The following STK24 variants were observed in gnomAD, a reference collection of about 807,000 sequenced individuals.
STK24 encodes the protein serine/threonine kinase 24, also known as serine/threonine-protein kinase 24.
In STK24, 21 loss-of-function variants were observed where a neutral mutation model predicts 55.6. The ratio of observed to expected loss-of-function variants is 0.38; its 90% CI spans 0.27 to 0.54. The LOEUF is 0.54. STK24 is among the 20% of genes least tolerant of loss of function. The probability of loss-of-function intolerance (pLI) is 0.79; values close to 1 mark genes in which losing one functional copy is unlikely to be tolerated. For missense variants in STK24, 383 were observed against 538.4 expected (o/e 0.71, Z 2.86); for synonymous variants, 200 against 215.2 (o/e 0.93, Z 0.62).
chr13:98,467,614 G>C (rs1186463178), intron 5 of STK24, among the ~76,000 whole-genome samples: 1 of 152,102 alleles, frequency 6.6e-6, no homozygotes, highest in East Asian at 1.9e-4. Flanking sequence ...TGTCTCTCTA[G>C]TGTCTGCATT....
intron 2 of STK24, among the ~76,000 whole-genome samples, chr13:98,517,026 C>A (rs1346160723): frequency 6.6e-6 from 1 of 152,164 alleles, no homozygotes; most frequent in Non-Finnish European, 1.5e-5. Flanking sequence ...GCAGCCCATT[C>A]CAGCATGCAG....
chr13:98,507,869 T>TC (rs1895750360), intron 2 of STK24, among the ~76,000 whole-genome samples: 1 of 152,064 alleles, frequency 6.6e-6, no homozygotes, highest in Non-Finnish European at 1.5e-5. Context: ...TTATGACACT[T>TC]CCCAAAAGCC....
At chr13:98,503,321 T>A (rs538693953) in intron 2 of STK24, among the ~76,000 whole-genome samples, 1 of 152,294 alleles carries the variant, frequency 6.6e-6, no homozygotes, top group East Asian at 1.9e-4. Context: ...CAGACCAGTT[T>A]TAATTTCCCA....
intron 2 of STK24, among the ~76,000 whole-genome samples, chr13:98,511,535 T>G (rs1185279863): frequency 6.6e-6 from 1 of 152,230 alleles, no homozygotes; most frequent in Non-Finnish European, 1.5e-5. Flanking sequence ...AATCACCAAA[T>G]TCTGGAAACA....
chr13:98,576,799 G>T lies in STK24; in HGVS notation c.-13C>A, dbSNP rs763546879. The stretch of plus-strand genomic sequence containing the variant: ...GGGAGTGAGCCATGGCGCTCAGGAC[G>T]GCCACTTCCTGGGACGGGACGGCCG... On this transcript the variant is annotated 5_prime_UTR_variant, in exon 1 of 11. Coordinates refer to ENST00000539966, the MANE Select transcript of STK24 (RefSeq NM_001032296.4). The T allele has an allele frequency of 5.0e-6, 7 of 1,389,616 alleles. No individual in the cohort carries two copies. The highest frequency in any genetic ancestry group is 4.5e-5 in the African/African-American group (3 of 66,280). 86.1% of individuals were successfully genotyped at this position (1,389,616 alleles called of 1,614,324 possible).
At chr13:98,494,084 C>T (rs142651124) in intron 2 of STK24, among the ~76,000 whole-genome samples, 32 of 147,200 alleles carry the variant, frequency 2.2e-4, no homozygotes, top group South Asian at 6.6e-4. Context: ...CCTCGTGATC[C>T]GCCCGCCTCG....
At position 98,448,993 on chromosome 13, in the gene STK24, C is replaced by T. The variant is rs373208683; in HGVS notation, c.*4180G>A. On this transcript the variant is annotated 3_prime_UTR_variant, in exon 11 of 11. Coordinates refer to ENST00000539966, the MANE Select transcript of STK24 (RefSeq NM_001032296.4). ...GTTTTAAGTGGTAACTCTTTCCAAC[C>T]GTAGCAGGGTTGTTTTCTGTTAAGC... The T allele has an allele frequency of 1.3e-5, 2 of 152,142 alleles. No homozygotes were observed. The highest frequency in any genetic ancestry group is 2.4e-5 in the African/African-American group (1 of 41,384). The allele number at this position is 152,142 out of a possible 1,614,324, so 9.4% of individuals were successfully genotyped here. A position where few individuals can be genotyped will look rare whatever the true frequency, so the allele number is the denominator to read the frequency against.
Position 98,463,683 on chromosome 13 carries a change from C to A in STK24, c.929+8G>T, listed in dbSNP as rs570729788. The A allele has an allele frequency of 6.2e-7, 1 of 1,612,574 alleles. No homozygotes were observed. The highest frequency in any genetic ancestry group is 8.5e-7 in the Non-Finnish European group (1 of 1,179,038). ...ACACATGCTTGGGTCACTCAGGGGC[C>A]GACTTACGCGTCGGAATCCTCGGAG... On this transcript the variant is annotated splice_region_variant and intron_variant, in intron 7 of 10. Coordinates refer to ENST00000539966, the MANE Select transcript of STK24 (RefSeq NM_001032296.4).
Position 98,519,386 on chromosome 13 carries a change from T to C in STK24, c.130A>G (p.Asn44Asp), listed in dbSNP as rs777417489. The C allele has an allele frequency of 1.2e-6, 2 of 1,614,266 alleles. No individual in the cohort carries two copies. Among genetic ancestry groups the C allele is most frequent in the Non-Finnish European group, 1.7e-6 (2 of 1,180,044 alleles). The stretch of plus-strand genomic sequence containing the variant: ...ATGGCAACCACTTTCTGAGTCCGAT[T>C]GTCAATGCCTTTGAACACCTCTCCA... ...SFGEVFKGID[N>D]RTQKVVAIKI... Residue 44 changes from asparagine to aspartate, a missense_variant, in exon 2 of 11, where the codon AAT becomes GAT. Asn to Asp is a conservative substitution (Grantham distance 23). Transcript: ENST00000539966.
chr13:98,471,833 G>A (rs149800996), intron 5 of STK24, among the ~76,000 whole-genome samples: 755 of 152,286 alleles, frequency 5.0e-3, no homozygotes, highest in Non-Finnish European at 7.7e-3. Flanking sequence ...GACAATCTGC[G>A]TGTGAACCTA....
In STK24 at chr13:98,453,106, CT is replaced by C. The variant is rs1218523944; in HGVS notation, c.*66del. ...TGGAGTCAGCGAAGGCTCTCGTTGA[CT>C]TTTAAAAAAGGAGGAGGATGAAGAA... On this transcript the variant is annotated 3_prime_UTR_variant, in exon 11 of 11. Coordinates refer to ENST00000539966, the MANE Select transcript of STK24 (RefSeq NM_001032296.4). The C allele has an allele frequency of 6.3e-7, 1 of 1,593,588 alleles. No homozygotes were observed. The highest frequency in any genetic ancestry group is 1.3e-5 in the African/African-American group (1 of 74,314).
At chr13:98,519,499 G>A (rs765281899) in intron 1 of STK24, 26 bp from the exon 2 acceptor site, 1 of 1,587,246 alleles carries the variant, frequency 6.3e-7, no homozygotes, top group Admixed American at 1.7e-5. Flanking sequence ...AGAGAAAAGG[G>A]AAACTTTAGT....
intron 1 of STK24, among the ~76,000 whole-genome samples, chr13:98,564,605 C>G (rs1384878777): frequency 1.3e-5 from 2 of 152,182 alleles, no homozygotes; most frequent in Non-Finnish European, 2.9e-5. Context: ...ATCAGGAAGT[C>G]AGGAGCAGCA....
At chr13:98,551,168 C>T (rs1897151315) in intron 1 of STK24, among the ~76,000 whole-genome samples, 1 of 151,950 alleles carries the variant, frequency 6.6e-6, no homozygotes, top group Non-Finnish European at 1.5e-5. Flanking sequence ...CGCCTGTAGT[C>T]CCAGCTACTC....
chr13:98,496,490 C>T (rs1189550514), intron 2 of STK24, among the ~76,000 whole-genome samples: 1 of 152,196 alleles, frequency 6.6e-6, no homozygotes, highest in African/African-American at 2.4e-5. Flanking sequence ...CAACCAGAAA[C>T]CAATGACTAG....
chr13:98,545,517 C>G (rs1318428113), intron 1 of STK24, among the ~76,000 whole-genome samples: 1 of 151,948 alleles, frequency 6.6e-6, no homozygotes, highest in Non-Finnish European at 1.5e-5. Flanking sequence ...GCCTGTAGTT[C>G]CAGCTACTCG....
chr13:98,508,538 T>C (rs1276850722), intron 2 of STK24, among the ~76,000 whole-genome samples: 1 of 152,200 alleles, frequency 6.6e-6, no homozygotes, highest in African/African-American at 2.4e-5. Context: ...AAATGCTACT[T>C]AGAATTTCTG....
At chr13:98,474,656 G>A (rs1894295240) in intron 5 of STK24, among the ~76,000 whole-genome samples, 165 bp downstream of exon 5, 1 of 152,200 alleles carries the variant, frequency 6.6e-6, no homozygotes, top group Non-Finnish European at 1.5e-5. Context: ...TACAGCAGGA[G>A]ACAGAGGAGA....
intron 3 of STK24, among the ~76,000 whole-genome samples, chr13:98,475,750 A>G (rs1307539192): frequency 6.6e-6 from 1 of 152,182 alleles, no homozygotes; most frequent in African/African-American, 2.4e-5. Flanking sequence ...CCCTCTGGCC[A>G]TGGCAGGGGC....
Sources: allele counts gnomAD v4.1 joint callset (sites outside exome capture counted in the v4.1 genomes callset), GRCh38; gene constraint gnomAD v4.1.1; transcripts MANE v1.5; gene names NCBI Gene and HGNC (gene_info 2026-07-23, HGNC 2026-07-21).